FABP6: variants seen among roughly 807,000 people sequenced by gnomAD.
The protein encoded by FABP6 is gastrotropin.
Under a neutral mutation model 14.9 loss-of-function variants are expected in FABP6, and 13 were observed. The ratio of observed to expected loss-of-function variants is 0.87; its 90% CI spans 0.57 to 1.39. The LOEUF (loss-of-function observed/expected upper bound fraction) is 1.39, where lower values mean the gene tolerates loss of function less well. FABP6 is among the 40% of genes most tolerant of loss of function. The pLI is 0.00. For missense variants in FABP6, 161 were observed against 167.2 expected, an observed-to-expected ratio of 0.96 and a Z score of 0.20; for synonymous variants, 75 against 63.6, an observed-to-expected ratio of 1.18 and a Z score of -0.85.
intron 2 of FABP6, among the ~76,000 whole-genome samples, chr5:160,206,564 A>G (rs1759771722): frequency 6.6e-6 from 1 of 152,238 alleles, no homozygotes; most frequent in Non-Finnish European, 1.5e-5. Context: ...CATGTTTCAT[A>G]CATGCATGCA....
chr5:160,212,908 C>G lies in FABP6; in HGVS notation c.52-828C>G, dbSNP rs148551493. ...CTAGGATTACAGGTGTGAGCCACTA[C>G]GTCCAGCCCTCCTATGCAAGTTCTA... On this transcript the variant is annotated intron_variant, in intron 2 of 6. Transcript: ENST00000393980. Among the ~76,000 whole-genome samples the G allele has an allele frequency of 2.0e-5, 3 of 152,324 alleles. No individual in the cohort carries two copies. In the East Asian group the frequency reaches 5.8e-4, roughly 29 times the overall value.
chr5:160,234,018 T>G (rs1289373617), intron 2 of FABP6, among the ~76,000 whole-genome samples: 1 of 152,064 alleles, frequency 6.6e-6, no homozygotes, highest in Non-Finnish European at 1.5e-5. Context: ...TGGTGACCCA[T>G]GTGGAGTTCT....
chr5:160,223,907 C>T (rs1760188190), intron 3 of FABP6, among the ~76,000 whole-genome samples: 1 of 144,386 alleles, frequency 6.9e-6, no homozygotes, highest in Admixed American at 7.3e-5. Flanking sequence ...TGAGACCAGC[C>T]TAGGCAACAA....
At chr5:160,226,591 G>A (rs1340434760), upstream of FABP6, among the ~76,000 whole-genome samples, 4 of 151,972 alleles carry the variant, frequency 2.6e-5, no homozygotes, top group South Asian at 2.1e-4. Context: ...CTTTGGCAAG[G>A]TATACTTTGT....
chr5:160,224,002 C>T (rs1483820806), intron 3 of FABP6, among the ~76,000 whole-genome samples: 16 of 151,340 alleles, frequency 1.1e-4, no homozygotes, highest in Admixed American at 7.9e-4. Context: ...TTTGGGAGGC[C>T]GAGGCGGGCA....
intron 2 of FABP6, among the ~76,000 whole-genome samples, chr5:160,202,865 CA>C (rs2113081378): frequency 6.6e-6 from 1 of 151,746 alleles, no homozygotes; most frequent in South Asian, 2.1e-4. Context: ...ATCCCATATA[CA>C]AAACAGAAAG....
chr5:160,192,326 C>G (rs962930002), intron 1 of FABP6, among the ~76,000 whole-genome samples: 2 of 27,226 alleles, frequency 7.3e-5, no homozygotes, highest in Non-Finnish European at 1.7e-4. Flanking sequence ...TGTGCCCGGC[C>G]TCGCCAGTCT....
intron 3 of FABP6, among the ~76,000 whole-genome samples, chr5:160,217,942 CTATT>C (rs1292355450): frequency 1.3e-5 from 2 of 152,068 alleles, no homozygotes; most frequent in African/African-American, 4.8e-5. Context: ...TGTGCCTGGC[CTATT>C]TATTTATTTT....
chr5:160,188,434 G>C, intron 1 of FABP6, among the ~76,000 whole-genome samples: 1 of 152,206 alleles, frequency 6.6e-6, no homozygotes, highest in East Asian at 1.9e-4. Context: ...GGGAGGTGGG[G>C]GACGGGGGAG....
chr5:160,199,393 G>C (rs1359388013), intron 2 of FABP6, among the ~76,000 whole-genome samples: 1 of 152,192 alleles, frequency 6.6e-6, no homozygotes, highest in Non-Finnish European at 1.5e-5. Context: ...ACGGACACTT[G>C]GAGTAGTGGC....
In FABP6 at chr5:160,199,050, C is replaced by G; in HGVS notation, c.-57C>G. 6 of 1,597,780 alleles carry G rather than the reference C, an allele frequency of 3.8e-6. No individual in the cohort carries two copies. The South Asian group carries it at 6.6e-5, about 18-fold the overall frequency. ...TGCTGGCTTTTTGTGTCATTGCAGACTTTGCACCTCTGGCTCCAGGGAGCT... is the reference window on the plus strand; with the variant it reads ...TGCTGGCTTTTTGTGTCATTGCAGAGTTTGCACCTCTGGCTCCAGGGAGCT... On this transcript the variant is annotated splice_region_variant and 5_prime_UTR_variant, in exon 2 of 7. Transcript: ENST00000393980.
At chr5:160,199,534 C>T (rs1203752931) in intron 2 of FABP6, among the ~76,000 whole-genome samples, 4 of 152,150 alleles carry the variant, frequency 2.6e-5, no homozygotes, top group Admixed American at 1.3e-4. Flanking sequence ...CGCCAGGTCG[C>T]GGCATCCCGG....
At chr5:160,214,152 T>TTTCTTTCTTTCTTTCTTTCTTTCTTTCA (rs755078967) in intron 3 of FABP6, among the ~76,000 whole-genome samples, 1 of 128,890 alleles carries the variant, frequency 7.8e-6, no homozygotes, top group East Asian at 2.3e-4. Context: ...TCTTTCTTTC[T>TTTCTTTCTTTCTTTCTTTCTTTCTTTCA]TTCTTTCCTT....
intron 3 of FABP6, among the ~76,000 whole-genome samples, chr5:160,214,095 CTTTCTT>C (rs1382481057): frequency 1.7e-4 from 9 of 52,458 alleles, no homozygotes; most frequent in Admixed American, 8.2e-4. Flanking sequence ...CTTTCTCTTT[CTTTCTT>C]TCTTTCTTTC....
At chr5:160,218,454 T>C (rs1470005990) in intron 3 of FABP6, among the ~76,000 whole-genome samples, 1 of 121,838 alleles carries the variant, frequency 8.2e-6, no homozygotes, top group Non-Finnish European at 1.7e-5. Context: ...CTTATCTTAG[T>C]CTTTGACTTT....
intron 2 of FABP6, among the ~76,000 whole-genome samples, chr5:160,206,573 C>A (rs1036229726): frequency 6.6e-6 from 1 of 152,186 alleles, no homozygotes. Context: ...TACATGCATG[C>A]AAATCTATGT....
At chr5:160,222,779 T>A (rs900098403) in intron 3 of FABP6, among the ~76,000 whole-genome samples, 1 of 152,226 alleles carries the variant, frequency 6.6e-6, no homozygotes, top group Non-Finnish European at 1.5e-5. Context: ...CAAAGATGTT[T>A]GAAACTCTGA....
At chr5:160,220,690 C>T (rs902445667) in intron 3 of FABP6, among the ~76,000 whole-genome samples, 3 of 151,894 alleles carry the variant, frequency 2.0e-5, no homozygotes, top group Non-Finnish European at 2.9e-5. Context: ...AGGAAGTGGT[C>T]GGGTAATGTT....
chr5:160,231,541 C>G (rs1237969502), intron 1 of FABP6, among the ~76,000 whole-genome samples: 2 of 152,118 alleles, frequency 1.3e-5, no homozygotes, highest in Admixed American at 6.6e-5. Flanking sequence ...TTACAGGCAC[C>G]TGCCACCATG....
Sources: gnomAD v4.1 joint callset for allele counts (sites outside exome capture counted in the v4.1 genomes callset) on GRCh38, gnomAD v4.1.1 for gene constraint, MANE v1.5 for transcripts, NCBI Gene and HGNC (gene_info 2026-07-23, HGNC 2026-07-21) for gene names.